RGS3: variants seen among roughly 807,000 people sequenced by gnomAD.
RGS3 encodes regulator of G-protein signalling 3.
Under a neutral mutation model 132.6 loss-of-function variants are expected in RGS3, and 80 were observed. The ratio of observed to expected loss-of-function variants is 0.60; its 90% confidence interval spans 0.50 to 0.73. The LOEUF (loss-of-function observed/expected upper bound fraction) is 0.73. RGS3 is among the 30% of genes least tolerant of loss of function. The pLI is 0.00. For synonymous variants in RGS3, 598 were observed against 620.6 expected (o/e 0.96, Z 0.54); for missense variants, 1,382 against 1,530.8 (o/e 0.90, Z 1.62).
At chr9:113,489,600 T>C (rs1225697699) in intron 7 of RGS3, among the ~76,000 whole-genome samples, 1 of 152,142 alleles carries the variant, frequency 6.6e-6, no homozygotes, top group Non-Finnish European at 1.5e-5. Context: ...TAGAGCTTAC[T>C]GCAGCCTTGA....
chr9:113,490,685 A>G (rs1287333339), intron 7 of RGS3, among the ~76,000 whole-genome samples: 3 of 143,800 alleles, frequency 2.1e-5, no homozygotes, highest in Non-Finnish European at 4.5e-5. Context: ...TATATAAAAT[A>G]TAATATATTA....
exon 2 of RGS3, chr9:113,461,814 C>A: frequency 6.2e-7 from 1 of 1,614,158 alleles, no homozygotes; most frequent in Non-Finnish European, 8.5e-7. Context: ...GATAGTCTCC[C>A]CTTTGGGAGG....
intron 17 of RGS3, among the ~76,000 whole-genome samples, chr9:113,524,618 C>T (rs1428998005): frequency 2.6e-5 from 4 of 152,314 alleles, no homozygotes; most frequent in African/African-American, 9.6e-5. Flanking sequence ...GGGATCTGGG[C>T]GTGGTACTGC....
Position 113,483,111 on chromosome 9 carries a change from T to A in RGS3, c.519T>A (p.Tyr173Ter). The A allele has an allele frequency of 6.2e-7, 1 of 1,607,570 alleles. No individual in the cohort carries two copies. Among genetic ancestry groups the A allele is most frequent in the South Asian group, 1.1e-5 (1 of 90,854 alleles). ...AACAGCCTGGCACCTGTGATCCGTA[T>A]GTGAAGGTATGTGGTGGGGCCGGAG... Residue 173 changes from tyrosine to a stop codon, truncating the protein, a stop_gained, in exon 5 of 25, where the codon TAT becomes TAA. Transcript: ENST00000350696. LOFTEE classifies it high-confidence loss of function.
At chr9:113,548,402 T>A (rs140770229) in intron 19 of RGS3, among the ~76,000 whole-genome samples, 106 of 152,354 alleles carry the variant, frequency 7.0e-4, no homozygotes, top group African/African-American at 2.4e-3. Context: ...CTGGCTTATC[T>A]GTAAATTCCT....
chr9:113,457,622 A>G (rs981611522), upstream of RGS3, among the ~76,000 whole-genome samples: 10 of 152,204 alleles, frequency 6.6e-5, no homozygotes, highest in African/African-American at 2.4e-4. Context: ...GAGAGATGGT[A>G]TTCTATAATG....
chr9:113,531,097 A>G (rs1832442556), intron 18 of RGS3, among the ~76,000 whole-genome samples: 1 of 152,280 alleles, frequency 6.6e-6, no homozygotes, highest in South Asian at 2.1e-4. Context: ...GGCAGCTCTG[A>G]TTGTTCTCTA....
intron 19 of RGS3, among the ~76,000 whole-genome samples, chr9:113,553,460 ATATATATAT>A (rs1455424115): frequency 2.0e-5 from 1 of 49,828 alleles, no homozygotes; most frequent in African/African-American, 8.2e-5. Flanking sequence ...AAAAAAAAAA[ATATATATAT>A]ATATATATAT....
At chr9:113,472,569 C>T (rs928341918) in intron 3 of RGS3, among the ~76,000 whole-genome samples, 1 of 152,112 alleles carries the variant, frequency 6.6e-6, no homozygotes, top group Non-Finnish European at 1.5e-5. Context: ...CCAGAATAGG[C>T]AAGTCCTTAG....
chr9:113,494,871 C>CTTCTTA (rs1830634143), intron 7 of RGS3, among the ~76,000 whole-genome samples: 1 of 148,166 alleles, frequency 6.7e-6, no homozygotes, highest in African/African-American at 2.7e-5. Context: ...AATTCTTCTT[C>CTTCTTA]TTCTTCTTCT....
chr9:113,558,524 G>T (rs1421920367), intron 19 of RGS3, among the ~76,000 whole-genome samples: 1 of 152,054 alleles, frequency 6.6e-6, no homozygotes. Context: ...AAAAGTCTAG[G>T]TCAGGGAAAC....
intron 1 of RGS3, among the ~76,000 whole-genome samples, chr9:113,447,883 T>C (rs1222167797): frequency 6.9e-6 from 1 of 145,810 alleles, no homozygotes; most frequent in East Asian, 2.0e-4. Context: ...AGGGTCCCGC[T>C]CTGTTGCCCA....
chr9:113,569,038 A>G (rs1416643605), intron 19 of RGS3, among the ~76,000 whole-genome samples: 1 of 152,202 alleles, frequency 6.6e-6, no homozygotes, highest in African/African-American at 2.4e-5. Flanking sequence ...GCTGCCAGGT[A>G]TGCTCCAGAT....
At chr9:113,511,448 A>G (rs1268978803) in intron 14 of RGS3, among the ~76,000 whole-genome samples, 1 of 152,048 alleles carries the variant, frequency 6.6e-6, no homozygotes, top group Non-Finnish European at 1.5e-5. Context: ...CACTAGCCAC[A>G]TATTATCCAG....
intron 7 of RGS3, among the ~76,000 whole-genome samples, chr9:113,495,390 T>G (rs1046461642): frequency 2.0e-5 from 3 of 152,200 alleles, no homozygotes; most frequent in Non-Finnish European, 4.4e-5. Flanking sequence ...TTCTTGAGCT[T>G]GAGGTCCCAT....
intron 11 of RGS3, among the ~76,000 whole-genome samples, 196 bp downstream of exon 9, chr9:113,505,719 GT>G (rs1337545146): frequency 6.6e-6 from 1 of 151,746 alleles, no homozygotes; most frequent in Non-Finnish European, 1.5e-5. Context: ...TTTTTTTGTT[GT>G]TTTTATCAAA....
In RGS3 at chr9:113,463,697, C is replaced by G. The variant is rs1829530365; in HGVS notation, c.415+1496C>G. 10 of 1,435,590 alleles carry G rather than the reference C, an allele frequency of 7.0e-6. No individual in the cohort carries two copies. Among genetic ancestry groups the G allele is most frequent in the Middle Eastern group, 4.7e-4 (2 of 4,264 alleles). The allele number at this position is 1,435,590 out of a possible 1,614,324, so 88.9% of individuals were successfully genotyped here. A position where few individuals can be genotyped will look rare whatever the true frequency, so the allele number is the denominator to read the frequency against. ...TGGCCGTTCCAACGCTTGGGGCAGC[C>G]CTACCTCCCGCTCGCGCTCCTCCCG... On this transcript the variant is annotated intron_variant, in intron 3 of 24. Coordinates refer to ENST00000350696, the Ensembl canonical transcript of RGS3. The surrounding 1 kb of genome is among the most constrained non-coding windows in gnomAD (Gnocchi z 4.6).
At chr9:113,567,043 C>A (rs1009581046) in intron 19 of RGS3, among the ~76,000 whole-genome samples, 1 of 152,250 alleles carries the variant, frequency 6.6e-6, no homozygotes, top group Admixed American at 6.5e-5. Flanking sequence ...GAGAAGCAGG[C>A]AGATTGTGAG....
At chr9:113,557,133 C>T (rs1255508681) in intron 19 of RGS3, among the ~76,000 whole-genome samples, 1 of 152,216 alleles carries the variant, frequency 6.6e-6, no homozygotes, top group Non-Finnish European at 1.5e-5. Context: ...AGCAATCTAC[C>T]AATTGCAAGT....
Sources: gnomAD v4.1 joint callset for allele counts (sites outside exome capture counted in the v4.1 genomes callset) on GRCh38, gnomAD v4.1.1 for gene constraint, Gnocchi (gnomAD v3.1) non-coding constraint, MANE v1.5 for transcripts, NCBI Gene and HGNC (gene_info 2026-07-23, HGNC 2026-07-21) for gene names.